Variants in PDE5A observed in about 807,000 individuals in gnomAD.
PDE5A encodes phosphodiesterase 5A, also known as cGMP-specific 3',5'-cyclic phosphodiesterase.
PDE5A carries 67 observed loss-of-function variants against 110.2 expected under a neutral mutation model. The ratio of observed to expected loss-of-function variants is 0.61; its 90% CI spans 0.50 to 0.75. The LOEUF (loss-of-function observed/expected upper bound fraction) is 0.75. Among genes scored for constraint, PDE5A ranks in the 30% least tolerant of loss-of-function variants. PDE5A has a pLI of 0.00. For synonymous variants in PDE5A, 328 were observed against 351.2 expected (o/e 0.93, Z 0.74); for missense variants, 862 against 1,045.1 (o/e 0.82, Z 2.42).
intron 7 of PDE5A, among the ~76,000 whole-genome samples, chr4:119,559,276 C>T (rs1319209369): frequency 6.6e-6 from 1 of 151,974 alleles, no homozygotes; most frequent in Non-Finnish European, 1.5e-5. Context: ...TGTCCAGCTA[C>T]TGCTAAAAGA....
At chr4:119,598,884 T>C (rs1729245076) in intron 2 of PDE5A, among the ~76,000 whole-genome samples, 1 of 152,118 alleles carries the variant, frequency 6.6e-6, no homozygotes. Flanking sequence ...CAAAAGATAC[T>C]GAGTTTCTAG....
chr4:119,588,438 A>C (rs1182372397), intron 3 of PDE5A, among the ~76,000 whole-genome samples: 3 of 151,648 alleles, frequency 2.0e-5, no homozygotes. Flanking sequence ...TAGCCTCCCA[A>C]AGTGCTTGGA....
intron 3 of PDE5A, among the ~76,000 whole-genome samples, chr4:119,580,230 C>G (rs946528430): frequency 6.6e-6 from 1 of 152,182 alleles, no homozygotes; most frequent in Non-Finnish European, 1.5e-5. Flanking sequence ...ATACTAAACT[C>G]TCTGCCACAC....
chr4:119,613,101 G>A (rs1729813460), intron 1 of PDE5A, among the ~76,000 whole-genome samples: 1 of 152,114 alleles, frequency 6.6e-6, no homozygotes, highest in South Asian at 2.1e-4. Flanking sequence ...ACTAGTTTAG[G>A]GAGAAAATTA....
At chr4:119,574,903 T>C (rs1560622822) in intron 3 of PDE5A, among the ~76,000 whole-genome samples, 2 of 152,178 alleles carry the variant, frequency 1.3e-5, no homozygotes, top group Admixed American at 1.3e-4. Context: ...GTTATACAGA[T>C]ATATGTACAT....
intron 14 of PDE5A, among the ~76,000 whole-genome samples, chr4:119,515,974 T>G (rs139727991): frequency 1.3e-5 from 2 of 152,318 alleles, no homozygotes; most frequent in Non-Finnish European, 2.9e-5. Context: ...CATCAAAAAG[T>G]TTCCATTTGT....
At chr4:119,532,498 T>G (rs1325369516) in intron 11 of PDE5A, among the ~76,000 whole-genome samples, 2 of 152,090 alleles carry the variant, frequency 1.3e-5, no homozygotes, top group African/African-American at 4.8e-5. Flanking sequence ...TTCAACTTTT[T>G]ATCATTATAA....
intron 9 of PDE5A, chr4:119,550,507 A>G (rs1727306449): frequency 6.6e-6 from 1 of 151,904 alleles, no homozygotes; most frequent in Non-Finnish European, 1.5e-5. Flanking sequence ...TGTGAGTCCG[A>G]CCCCCAGTCC....
chr4:119,573,914 T>C (rs939006432), intron 3 of PDE5A, among the ~76,000 whole-genome samples: 12 of 152,142 alleles, frequency 7.9e-5, no homozygotes, highest in Admixed American at 5.2e-4. Flanking sequence ...ATTCAAATGC[T>C]AAAAAGCTTG....
At chr4:119,610,961 C>G (rs1478370218) in intron 1 of PDE5A, among the ~76,000 whole-genome samples, 1 of 152,162 alleles carries the variant, frequency 6.6e-6, no homozygotes, top group Non-Finnish European at 1.5e-5. Flanking sequence ...CTTAGCTACC[C>G]TACTTGGCTT....
intron 1 of PDE5A, among the ~76,000 whole-genome samples, chr4:119,610,160 T>A (rs1001706752): frequency 3.7e-4 from 57 of 152,334 alleles, no homozygotes; most frequent in African/African-American, 1.3e-3. Context: ...CAACATACAT[T>A]AATTAAAATA....
At chr4:119,548,558 G>T (rs1209873308) in intron 9 of PDE5A, 2 of 152,118 alleles carry the variant, frequency 1.3e-5, no homozygotes, top group Non-Finnish European at 2.9e-5. Context: ...TATAAAATGT[G>T]TCTTTACAAA....
chr4:119,626,667 C>T (rs28419430), intron 1 of PDE5A, among the ~76,000 whole-genome samples: 2,281 of 152,284 alleles, frequency 0.015, 60 homozygotes, highest in African/African-American at 0.052. Context: ...TGTTAGTCGA[C>T]AGCAACCGAT....
At chr4:119,594,461 T>A (rs1421078337) in intron 3 of PDE5A, among the ~76,000 whole-genome samples, 3 of 126,828 alleles carry the variant, frequency 2.4e-5, no homozygotes, top group Admixed American at 8.9e-5. Flanking sequence ...CTGTGGTTTA[T>A]AACTAGGCCT....
intron 20 of PDE5A, 27 bp downstream of exon 20, chr4:119,501,143 C>T (rs753750053): frequency 1.9e-5 from 26 of 1,375,360 alleles, no homozygotes; most frequent in Non-Finnish European, 2.5e-5. Context: ...CCAAGTTTAG[C>T]AAGTCTAGTA....
chr4:119,591,539 C>G (rs770270388), intron 3 of PDE5A, among the ~76,000 whole-genome samples: 2 of 152,070 alleles, frequency 1.3e-5, no homozygotes, highest in African/African-American at 2.4e-5. Flanking sequence ...AAAATTTTCA[C>G]GACAAAGAGT....
intron 2 of PDE5A, among the ~76,000 whole-genome samples, chr4:119,602,028 T>C (rs1008411734): frequency 6.6e-6 from 1 of 152,092 alleles, no homozygotes; most frequent in Non-Finnish European, 1.5e-5. Flanking sequence ...GAATACTATC[T>C]TGGATTGGGG....
intron 2 of PDE5A, 57 bp downstream of exon 2, chr4:119,606,652 G>C (rs892955814): frequency 1.8e-5 from 23 of 1,249,858 alleles, no homozygotes; most frequent in Non-Finnish European, 2.7e-5. Flanking sequence ...CATAGTACCC[G>C]CCCCAGCCAT....
chr4:119,505,907 T>C lies in PDE5A; in HGVS notation c.2215A>G (p.Ile739Val). The stretch of plus-strand genomic sequence containing the variant: ...TCCAAATTGAATTGATTTTTTCTTA[T>C]AAGTTCAAAAAATTCTCCTCGCCTC... ...IKRRGEFFEL[I>V]RKNQFNLEDP... Residue 739 changes from isoleucine to valine, a missense_variant, in exon 17 of 21, where the codon ATA (isoleucine) becomes GTA (valine). By Grantham distance (29) the Ile-to-Val change is conservative. Coordinates refer to ENST00000354960, the MANE Select transcript of PDE5A (RefSeq NM_001083.4). The C allele has an allele frequency of 1.3e-6, 2 of 1,569,788 alleles. No individual in the cohort carries two copies. Among genetic ancestry groups the C allele is most frequent in the Non-Finnish European group, 1.7e-6 (2 of 1,159,736 alleles).
Sources: gnomAD v4.1 joint callset for allele counts (sites outside exome capture counted in the v4.1 genomes callset) on GRCh38, gnomAD v4.1.1 for gene constraint, MANE v1.5 for transcripts, NCBI Gene and HGNC (gene_info 2026-07-23, HGNC 2026-07-21) for gene names.